The following PCDH11Y variants were observed in gnomAD, a reference collection of about 807,000 sequenced individuals.
The protein encoded by PCDH11Y is protocadherin-11 Y-linked.
For missense variants in PCDH11Y, 12 were observed against 224.8 expected, an observed-to-expected ratio of 0.05 and a Z score of 6.05; for synonymous variants, 9 against 83.6, an observed-to-expected ratio of 0.11 and a Z score of 4.87.
intron 2 of PCDH11Y, among the ~76,000 whole-genome samples, chrY:5,142,279 T>A: frequency 6.1e-5 from 2 of 32,763 alleles, no homozygotes; most frequent in Admixed American, 2.8e-4. Context: ...TTTTATGGGT[T>A]TGTGTGTGCA....
chrY:5,246,082 A>G (rs2052995377), intron 2 of PCDH11Y, among the ~76,000 whole-genome samples: 1 of 31,194 alleles, frequency 3.2e-5, no homozygotes, highest in Non-Finnish European at 7.7e-5. Flanking sequence ...GGGGCAATGT[A>G]AAAACACCAA....
intron 2 of PCDH11Y, among the ~76,000 whole-genome samples, chrY:5,239,115 C>G: frequency 3.1e-5 from 1 of 32,432 alleles, no homozygotes; most frequent in African/African-American, 1.2e-4. Flanking sequence ...GCTATAAAGA[C>G]ACATGCACAC....
At chrY:5,455,140 T>C (rs2053296748) in intron 2 of PCDH11Y, among the ~76,000 whole-genome samples, 1 of 33,712 alleles carries the variant, frequency 3.0e-5, no homozygotes, top group Non-Finnish European at 7.3e-5. Flanking sequence ...CACTTGCTGC[T>C]AGAATTTTCT....
chrY:5,520,846 T>G, intron 3 of PCDH11Y, among the ~76,000 whole-genome samples: 1 of 33,115 alleles, frequency 3.0e-5, no homozygotes, highest in Middle Eastern at 0.014. Flanking sequence ...AAAAATGTAT[T>G]ACTTATTATG....
intron 2 of PCDH11Y, among the ~76,000 whole-genome samples, chrY:5,120,614 A>G: frequency 2.4e-4 from 8 of 33,021 alleles, no homozygotes; most frequent in Non-Finnish European, 6.0e-4. Context: ...ACTTTTAAAT[A>G]TAGCTGATAT....
At chrY:5,107,619 G>A, downstream of PCDH11Y, among the ~76,000 whole-genome samples, 1 of 32,680 alleles carries the variant, frequency 3.1e-5, no homozygotes, top group Admixed American at 2.8e-4. Context: ...TTATTATTAC[G>A]TTTGCCTTGC....
intron 2 of PCDH11Y, among the ~76,000 whole-genome samples, chrY:5,385,258 A>G: frequency 1.1e-4 from 3 of 27,739 alleles, no homozygotes; most frequent in Non-Finnish European, 2.5e-4. Context: ...CAAGCAGCAT[A>G]CATTGAACCC....
chrY:5,140,507 G>A, intron 2 of PCDH11Y, among the ~76,000 whole-genome samples: 1 of 30,575 alleles, frequency 3.3e-5, no homozygotes, highest in East Asian at 8.9e-4. Flanking sequence ...TTTATATTAA[G>A]TAGAATTTTT....
At chrY:5,001,531 C>A (rs2052530367) in intron 1 of PCDH11Y, among the ~76,000 whole-genome samples, 1 of 34,008 alleles carries the variant, frequency 2.9e-5, no homozygotes, top group Non-Finnish European at 7.3e-5. Context: ...TTCACGTCCT[C>A]ACAAAGGAAT....
At chrY:5,433,045 A>G (rs2053270343) in intron 2 of PCDH11Y, among the ~76,000 whole-genome samples, 1 of 33,441 alleles carries the variant, frequency 3.0e-5, no homozygotes, top group Admixed American at 2.8e-4. Flanking sequence ...GCATTATAAC[A>G]TGAAAAAGTC....
At chrY:5,326,945 A>G (rs1602904952) in intron 2 of PCDH11Y, among the ~76,000 whole-genome samples, 1 of 33,052 alleles carries the variant, frequency 3.0e-5, no homozygotes, top group African/African-American at 1.2e-4. Flanking sequence ...TACAGGGTGC[A>G]GTCCTGGCTC....
At chrY:5,168,233 G>A in intron 2 of PCDH11Y, among the ~76,000 whole-genome samples, 1 of 30,879 alleles carries the variant, frequency 3.2e-5, no homozygotes, top group Non-Finnish European at 7.9e-5. Flanking sequence ...CACATTTAAT[G>A]AAACCATGTA....
At chrY:5,220,938 C>T (rs2052954135) in intron 2 of PCDH11Y, among the ~76,000 whole-genome samples, 3 of 31,720 alleles carry the variant, frequency 9.5e-5, no homozygotes, top group Non-Finnish European at 7.8e-5. Flanking sequence ...AGGCTGGTCT[C>T]GAACTCCTGA....
chrY:5,348,000 T>A, intron 2 of PCDH11Y, among the ~76,000 whole-genome samples: 1 of 33,192 alleles, frequency 3.0e-5, no homozygotes, highest in South Asian at 6.8e-4. Context: ...TCTATGCATA[T>A]GACTCTCCTT....
chrY:5,165,600 G>GA (rs2052878523), intron 2 of PCDH11Y, among the ~76,000 whole-genome samples: 4 of 30,899 alleles, frequency 1.3e-4, no homozygotes, highest in Non-Finnish European at 3.2e-4. Context: ...TATTAGAAAA[G>GA]AAAAAAAAGG....
At chrY:5,643,837 CT>C (rs2053524874) in intron 4 of PCDH11Y, among the ~76,000 whole-genome samples, 30 of 26,631 alleles carry the variant, frequency 1.1e-3, no homozygotes, top group African/African-American at 2.9e-3. Flanking sequence ...TGAATTTGAC[CT>C]TTTTTTTTTT....
chrY:5,418,860 T>C, intron 2 of PCDH11Y, among the ~76,000 whole-genome samples: 2 of 33,118 alleles, frequency 6.0e-5, no homozygotes, highest in African/African-American at 1.2e-4. Flanking sequence ...TAATATATTG[T>C]TGGAGCTGGG....
chrY:5,092,137 CAAAGAGAGATGGTGTTTTCTTACCT>C (rs2052742492), intron 1 of PCDH11Y, among the ~76,000 whole-genome samples: 1 of 32,055 alleles, frequency 3.1e-5, no homozygotes, highest in African/African-American at 1.2e-4. Context: ...TTTTCTTACC[CAAAGAGAGATGGTGTTTTCTTACCT>C]AAAGAGAGAT....
chrY:5,647,584 G>A (rs2053528284), intron 4 of PCDH11Y, among the ~76,000 whole-genome samples: 2 of 33,412 alleles, frequency 6.0e-5, no homozygotes, highest in Admixed American at 2.7e-4. Flanking sequence ...TTGGCTTACC[G>A]CAACCTCCGC....
Sources: gnomAD v4.1 joint callset for allele counts (sites outside exome capture counted in the v4.1 genomes callset) on GRCh38, gnomAD v4.1.1 for gene constraint, MANE v1.5 for transcripts, NCBI Gene and HGNC (gene_info 2026-07-23, HGNC 2026-07-21) for gene names.